The following TLN2 variants were observed in gnomAD, a reference collection of about 807,000 sequenced individuals.
TLN2 encodes the protein talin-2.
TLN2 carries 118 observed loss-of-function variants against 294.7 expected under a neutral mutation model. The ratio of observed to expected loss-of-function variants is 0.40; its 90% CI spans 0.34 to 0.47. The LOEUF is 0.47. Among genes scored for constraint, TLN2 ranks in the 20% least tolerant of loss-of-function variants. TLN2 has a pLI of 0.84. For synonymous variants in TLN2, 1,431 were observed against 1,304.5 expected, an observed-to-expected ratio of 1.10 and a Z score of -2.09; for missense variants, 3,083 against 3,282.2, an observed-to-expected ratio of 0.94 and a Z score of 1.48.
intron 1 of TLN2, among the ~76,000 whole-genome samples, chr15:62,462,845 C>G (rs955743146): frequency 1.3e-5 from 2 of 152,160 alleles, no homozygotes; most frequent in African/African-American, 4.8e-5. Flanking sequence ...TGTGTCTCAT[C>G]TTTAATGAAA....
intron 1 of TLN2, among the ~76,000 whole-genome samples, chr15:62,543,614 G>A: frequency 6.6e-6 from 1 of 152,048 alleles, no homozygotes; most frequent in East Asian, 1.9e-4. Flanking sequence ...AATTAGTTGG[G>A]CGTGGTGGTG....
At chr15:62,442,159 C>T (rs2035577890) in intron 1 of TLN2, among the ~76,000 whole-genome samples, 1 of 151,922 alleles carries the variant, frequency 6.6e-6, no homozygotes, top group Non-Finnish European at 1.5e-5. Flanking sequence ...GAGCCCGCCA[C>T]CCCGACACCA....
intron 50 of TLN2, among the ~76,000 whole-genome samples, chr15:62,801,185 C>A (rs911141126): frequency 6.6e-6 from 1 of 152,164 alleles, no homozygotes; most frequent in Non-Finnish European, 1.5e-5. Flanking sequence ...GGAAGTCTGC[C>A]GTTTGCTGTT....
intron 22 of TLN2, among the ~76,000 whole-genome samples, chr15:62,716,009 G>C (rs2059748985): frequency 6.6e-6 from 1 of 152,206 alleles, no homozygotes; most frequent in South Asian, 2.1e-4. Context: ...GGGAGAGATG[G>C]GGAGAGGGGA....
At chr15:62,667,134 T>G (rs1450323574) in intron 9 of TLN2, among the ~76,000 whole-genome samples, 9 of 151,998 alleles carry the variant, frequency 5.9e-5, no homozygotes, top group East Asian at 3.9e-4. Flanking sequence ...CCCGGCTAAT[T>G]TTTTGTATTT....
intron 32 of TLN2, among the ~76,000 whole-genome samples, chr15:62,744,250 G>A (rs1324995848): frequency 4.6e-5 from 7 of 152,020 alleles, no homozygotes; most frequent in African/African-American, 1.7e-4. Flanking sequence ...CTTGCTCAGC[G>A]ATCCATCATG....
chr15:62,427,371 C>T (rs2034772108), intron 1 of TLN2, among the ~76,000 whole-genome samples: 1 of 152,090 alleles, frequency 6.6e-6, no homozygotes, highest in African/African-American at 2.4e-5. Flanking sequence ...TTCTCCTTGG[C>T]CTAAGCTTCT....
intron 9 of TLN2, among the ~76,000 whole-genome samples, chr15:62,661,796 A>C (rs919970267): frequency 6.6e-6 from 1 of 152,128 alleles, no homozygotes; most frequent in African/African-American, 2.4e-5. Context: ...TAAATCAAAA[A>C]TGTAGCTGCT....
intron 1 of TLN2, among the ~76,000 whole-genome samples, chr15:62,409,461 A>G (rs924656408): frequency 1.3e-5 from 2 of 152,144 alleles, no homozygotes; most frequent in African/African-American, 4.8e-5. Flanking sequence ...TGCAACAGAG[A>G]TGTAATCTTA....
At chr15:62,707,753 T>C (rs2141118277) in intron 20 of TLN2, among the ~76,000 whole-genome samples, 2 of 152,280 alleles carry the variant, frequency 1.3e-5, no homozygotes, top group East Asian at 1.9e-4. Flanking sequence ...AGTTTACTGA[T>C]GAGGAATCTG....
chr15:62,612,322 G>T (rs908635586), intron 2 of TLN2, among the ~76,000 whole-genome samples: 2 of 151,970 alleles, frequency 1.3e-5, no homozygotes, highest in African/African-American at 4.8e-5. Context: ...TGTATACCAT[G>T]GTCAGTGTCA....
intron 1 of TLN2, among the ~76,000 whole-genome samples, chr15:62,405,467 G>A (rs982342938): frequency 6.6e-6 from 1 of 152,160 alleles, no homozygotes. Flanking sequence ...CACCGCTTCT[G>A]GTTTCTAAGA....
chr15:62,784,250 C>T (rs369168631), intron 45 of TLN2: 96 of 375,240 alleles, frequency 2.6e-4, no homozygotes, highest in African/African-American at 1.5e-3. Flanking sequence ...GCACATCCCC[C>T]GCAATTATTT....
chr15:62,725,150 G>A (rs762221220), intron 27 of TLN2, 46 bp downstream of exon 27: 1 of 1,567,712 alleles, frequency 6.4e-7, no homozygotes, highest in Non-Finnish European at 8.7e-7. Context: ...CTTTTGTTAT[G>A]ACGTTATTAA....
chr15:62,690,871 A>T (rs2057818020), intron 12 of TLN2, among the ~76,000 whole-genome samples: 1 of 151,770 alleles, frequency 6.6e-6, no homozygotes. Flanking sequence ...AAAACCAGTC[A>T]GGCGTGGCGG....
intron 1 of TLN2, among the ~76,000 whole-genome samples, chr15:62,448,965 T>C (rs2035963944): frequency 6.6e-6 from 1 of 152,236 alleles, no homozygotes; most frequent in South Asian, 2.1e-4. Context: ...AACTGGCTTC[T>C]TATTCCTTTT....
In TLN2 at chr15:62,844,442, C is replaced by G. The variant is rs1375284707; in HGVS notation, c.*3832C>G. On this transcript the variant is annotated 3_prime_UTR_variant, in exon 59 of 59. Coordinates refer to ENST00000636159, the MANE Select transcript of TLN2 (RefSeq NM_015059.3). ...CATCAGTGTACCTGAGTCACTTTGT[C>G]TGCATCTCTTCATCCCACAAAACAC... is the stretch of plus-strand genomic sequence containing the variant. 1 of 152,262 alleles carries G rather than the reference C, an allele frequency of 6.6e-6. No homozygotes were observed. The allele number at this position is 152,262 out of a possible 1,614,324, so 9.4% of individuals were successfully genotyped here.
At chr15:62,759,218 G>A (rs1203197892) in intron 37 of TLN2, among the ~76,000 whole-genome samples, 1 of 152,216 alleles carries the variant, frequency 6.6e-6, no homozygotes, top group Admixed American at 6.5e-5. Context: ...GTGCCCAATG[G>A]AAGCAGAGTT....
chr15:62,503,361 C>G (rs1443557021), intron 1 of TLN2, among the ~76,000 whole-genome samples: 2 of 152,160 alleles, frequency 1.3e-5, no homozygotes, highest in African/African-American at 4.8e-5. Flanking sequence ...TTCTTCACAT[C>G]TTTGTGTGTG....
Sources: allele counts gnomAD v4.1 joint callset (sites outside exome capture counted in the v4.1 genomes callset), GRCh38; gene constraint gnomAD v4.1.1; transcripts MANE v1.5; gene names NCBI Gene and HGNC (gene_info 2026-07-23, HGNC 2026-07-21).